MYH7B: variants seen among roughly 807,000 people sequenced by gnomAD.
MYH7B encodes myosin heavy chain 7B, also known as myosin-7B.
A neutral mutation model predicts 234.5 loss-of-function variants in MYH7B; 205 were observed. The observed-to-expected ratio is 0.87, with a 90% CI of 0.78 to 0.98. MYH7B has a LOEUF of 0.98. Ranked by LOEUF, MYH7B falls within the 50% of genes least tolerant of loss-of-function variation. The pLI, the probability that MYH7B is intolerant of heterozygous loss-of-function variation, is 0.00. For synonymous variants in MYH7B, 1,193 were observed against 1,105.0 expected (o/e 1.08, Z -1.58); for missense variants, 2,652 against 2,633.4 (o/e 1.01, Z -0.15).
chr20:34,999,082 AGGCAGAGGAG>A lies in MYH7B; in HGVS notation c.4221_4230del (p.Glu1408TrpfsTer25). 6.2e-7 allele frequency: 1 copy of A among 1,612,352 alleles called. No individual in the cohort carries two copies. The highest frequency in any genetic ancestry group is 8.5e-7 in the Non-Finnish European group (1 of 1,179,448). On this transcript the variant is annotated frameshift_variant, in exon 36 of 45. Coordinates refer to ENST00000262873, the Ensembl canonical transcript of MYH7B. LOFTEE classifies it high-confidence loss of function. ...AAAAAGCTGGCACTGCGGCTGCAGGAGGCAGAGGAGGGCGTGGAGGCTGCCAACGCCAAGT... is the reference window on the plus strand; with the variant it reads ...AAAAAGCTGGCACTGCGGCTGCAGGAGGCGTGGAGGCTGCCAACGCCAAGT...
Position 34,990,256 on chromosome 20 carries a change from GA to G in MYH7B, c.1926del (p.Glu643ArgfsTer23). 6.2e-7 allele frequency: 1 copy of G among 1,614,172 alleles called. No individual in the cohort carries two copies. The highest frequency in any genetic ancestry group is 8.5e-7 in the Non-Finnish European group (1 of 1,180,042). Reference sequence around the variant, plus strand: ...TAGCTGAGCCCCCCAAGTCTGGGGTGAAAGAGAAGCGTAAGAAGGCAGCATC... The same window carrying G: ...TAGCTGAGCCCCCCAAGTCTGGGGTGAAGAGAAGCGTAAGAAGGCAGCATC... On this transcript the variant is annotated frameshift_variant, in exon 22 of 45. Transcript: ENST00000262873. LOFTEE classifies it high-confidence loss of function.
At chr20:35,000,807 G>C in exon 40 of MYH7B, 1 of 1,613,944 alleles carries the variant, frequency 6.2e-7, no homozygotes, top group East Asian at 2.2e-5. Flanking sequence ...GCTGGAGGCG[G>C]ACTTGGCCCA....
Position 34,989,924 on chromosome 20 carries a change from G to C in MYH7B, c.1767+5G>C. ...GTGGTCCACTACGCAGGCGTGGTAGGTGCTTGCTGGAACCCCAGCCCTCGG... is the reference window on the plus strand; with the variant it reads ...GTGGTCCACTACGCAGGCGTGGTAGCTGCTTGCTGGAACCCCAGCCCTCGG... On this transcript the variant is annotated splice_donor_5th_base_variant and intron_variant, in intron 20 of 44. Transcript: ENST00000262873. 6.2e-7 allele frequency: 1 copy of C among 1,613,546 alleles called. No individual in the cohort carries two copies. Among genetic ancestry groups the C allele is most frequent in the Non-Finnish European group, 8.5e-7 (1 of 1,179,588 alleles).
chr20:34,978,175 C>T, intron 5 of MYH7B, 79 bp downstream of exon 5: 1 of 1,556,466 alleles, frequency 6.4e-7, no homozygotes. Context: ...GGAGGGGTGG[C>T]ACCAGCTCAG....
intron 13 of MYH7B, 148 bp downstream of exon 13, chr20:34,985,277 A>G: frequency 2.9e-6 from 2 of 695,430 alleles, no homozygotes; most frequent in East Asian, 5.4e-5. Context: ...AGGCCACCTC[A>G]CCTATCACCA....
At position 34,998,495 on chromosome 20, in the gene MYH7B, G is replaced by A. The variant is rs778569283; in HGVS notation, c.3875-16G>A. 39 of 1,613,134 alleles carry A rather than the reference G, an allele frequency of 2.4e-5. 1 individual carries two copies. The highest frequency in any genetic ancestry group is 1.5e-4 in the Admixed American group (9 of 60,016). The stretch of plus-strand genomic sequence containing the variant: ...CCTCACCAGCCTGACCTGTCCGCTC[G>A]CCTCTTTGCCTGCAGGGGAGCTGAG... On this transcript the variant is annotated splice_polypyrimidine_tract_variant and intron_variant, in intron 33 of 44. Coordinates refer to ENST00000262873, the Ensembl canonical transcript of MYH7B.
chr20:34,990,136 C>G (rs757799907), exon 21 of MYH7B: 1 of 1,614,168 alleles, frequency 6.2e-7, no homozygotes, highest in Non-Finnish European at 8.5e-7. Flanking sequence ...ATTATGCGGG[C>G]TCCTGCTCCA....
chr20:34,995,410 G>C, exon 28 of MYH7B: 1 of 1,614,020 alleles, frequency 6.2e-7, no homozygotes, highest in Non-Finnish European at 8.5e-7. Flanking sequence ...TGGAGGGGAA[G>C]GTGAAGGAGC....
chr20:34,994,275 C>T (rs752584192), exon 27 of MYH7B: 1 of 1,612,714 alleles, frequency 6.2e-7, no homozygotes, highest in East Asian at 2.2e-5. Flanking sequence ...AGCTGGCGGC[C>T]CTGCGGGCAG....
chr20:34,986,484 G>C (rs1464203946), intron 14 of MYH7B, among the ~76,000 whole-genome samples: 1 of 152,246 alleles, frequency 6.6e-6, no homozygotes, highest in Non-Finnish European at 1.5e-5. Flanking sequence ...GCGGACTGAT[G>C]ACTGTCTAGG....
At chr20:34,996,235 C>G in intron 28 of MYH7B, 111 bp from the exon 29 acceptor site, 2 of 1,281,494 alleles carry the variant, frequency 1.6e-6, no homozygotes, top group Non-Finnish European at 2.1e-6. Context: ...AGTCAAGTGA[C>G]TTGCCTGAGT....
chr20:34,982,474 C>T lies in MYH7B; in HGVS notation c.543C>T (p.Ala181=), dbSNP rs374055369. The stretch of plus-strand genomic sequence containing the variant: ...GTCGTCCAAGCGGAGAGTCGGGGGC[C>T]GGTAAGACGGTTAACACCAAGCGGG... The change falls in exon 10 of 45, where the codon GCC becomes GCT. Residue 181 remains alanine (A), a synonymous_variant. Coordinates refer to ENST00000262873, the Ensembl canonical transcript of MYH7B. 1.3e-4 allele frequency: 217 copies of T among 1,613,714 alleles called. No individual in the cohort carries two copies. The highest frequency in any genetic ancestry group is 1.7e-4 in the Non-Finnish European group (203 of 1,179,926).
rs376939477 is a variant in MYH7B at position 34,984,982 on chromosome 20, C to T, written c.741+36C>T. ...GAGGTGGGAGGGGTGGCGGGGATGC[C>T]GTAGGCCACCAGCGGCAGGTCGGGC... On this transcript the variant is annotated intron_variant, in intron 12 of 44. Transcript: ENST00000262873. 6.9e-5 allele frequency: 111 copies of T among 1,608,606 alleles called. No individual in the cohort carries two copies. In the African/African-American group the frequency reaches 8.0e-4, roughly 12 times the overall value.
At position 34,999,875 on chromosome 20, in the gene MYH7B, G is replaced by A. The variant is rs535072860; in HGVS notation, c.4750G>A (p.Ala1584Thr). 3.5e-5 allele frequency: 56 copies of A among 1,613,584 alleles called. No individual in the cohort carries two copies. The South Asian group carries it at 5.7e-4, about 16-fold the overall frequency. Residue 1584 changes from alanine to threonine, a missense_variant, in exon 38 of 45, where the codon GCA becomes ACA. By Grantham distance (58) the Ala-to-Thr change is moderately conservative. Coordinates refer to ENST00000262873, the Ensembl canonical transcript of MYH7B. ...CAAAGCAGAAGTGGACCGGAAGCTG[G>A]CAGAGAAAGACGAGGAGTGCGCTAA...
intron 41 of MYH7B, 34 bp downstream of exon 41, chr20:35,001,192 A>G: frequency 6.2e-7 from 1 of 1,607,752 alleles, no homozygotes; most frequent in Non-Finnish European, 8.5e-7. Flanking sequence ...TGGCGCAGGC[A>G]GGGTGGGTGA....
At position 34,991,107 on chromosome 20, in the gene MYH7B, C is replaced by T. The variant is rs374535670; in HGVS notation, c.2169C>T (p.Thr723=). ...GGTTCCCCAACAGGTTGCTCTACAC[C>T]GACTTCCGGCAGCGGTGGGTGACCC... The change falls in exon 24 of 45, where the codon ACC becomes ACT. Residue 723 remains threonine (T), a synonymous_variant. Transcript: ENST00000262873. 6.2e-6 allele frequency: 10 copies of T among 1,609,520 alleles called. No individual in the cohort carries two copies. The highest frequency in any genetic ancestry group is 4.5e-5 in the East Asian group (2 of 44,864).
At chr20:34,983,634 G>A (rs553039338) in intron 10 of MYH7B, among the ~76,000 whole-genome samples, 5 of 152,280 alleles carry the variant, frequency 3.3e-5, no homozygotes, top group African/African-American at 9.6e-5. Flanking sequence ...GAGGCTGCCC[G>A]CAGGAGCCAT....
At chr20:34,977,738 G>GCCCC (rs2081878496) in intron 4 of MYH7B, 58 bp downstream of exon 4, 20 of 317,094 alleles carry the variant, frequency 6.3e-5, no homozygotes, top group Non-Finnish European at 1.1e-4. Flanking sequence ...GGGCGGGTGG[G>GCCCC]TGAGGGTGCC....
rs780408593 is a variant in MYH7B at position 34,979,819 on chromosome 20, C to T, written c.342+15C>T. The T allele has an allele frequency of 3.1e-5, 49 of 1,603,456 alleles. No individual in the cohort carries two copies. The highest frequency in any genetic ancestry group is 4.0e-5 in the Non-Finnish European group (47 of 1,174,642). On this transcript the variant is annotated intron_variant, in intron 7 of 44. Transcript: ENST00000262873. ...GGATGATCTATGTGAGCCCCAGGCC[C>T]GGGCCATGGGCGGGGTGGGGCTTGT...
Sources: gnomAD v4.1 joint callset for allele counts (sites outside exome capture counted in the v4.1 genomes callset) on GRCh38, gnomAD v4.1.1 for gene constraint, MANE v1.5 for transcripts, NCBI Gene and HGNC (gene_info 2026-07-23, HGNC 2026-07-21) for gene names.